The following TRAPPC8 variants were observed in gnomAD, a reference collection of about 807,000 sequenced individuals.
TRAPPC8 encodes trafficking protein particle complex subunit 8.
In TRAPPC8, 54 loss-of-function variants were observed where a neutral mutation model predicts 174.3. The observed-to-expected ratio is 0.31, with a 90% CI of 0.25 to 0.39. The LOEUF is 0.39. Ranked by LOEUF, TRAPPC8 falls within the 10% of genes least tolerant of loss-of-function variation. The pLI is 1.00. For synonymous variants in TRAPPC8, 630 were observed against 579.9 expected, an observed-to-expected ratio of 1.09 and a Z score of -1.24; for missense variants, 1,531 against 1,699.1, an observed-to-expected ratio of 0.90 and a Z score of 1.74.
intron 1 of TRAPPC8, 153 bp downstream of exon 1, chr18:31,942,455 C>A (rs1300446388): frequency 2.0e-6 from 2 of 1,022,786 alleles, no homozygotes; most frequent in Non-Finnish European, 2.7e-6. Context: ...CTCCTCCAGC[C>A]GCCCCCGGAG....
rs141630250 is a variant in TRAPPC8 at position 31,901,986 on chromosome 18, C to T, written c.1390-961G>A. Among the ~76,000 whole-genome samples the T allele has an allele frequency of 7.6e-3, 1,160 of 152,296 alleles. 18 individuals carry two copies. Among genetic ancestry groups the T allele is most frequent in the African/African-American group, 0.026 (1,097 of 41,558 alleles). On this transcript the variant is annotated intron_variant, in intron 9 of 28. Coordinates refer to ENST00000283351, the MANE Select transcript of TRAPPC8 (RefSeq NM_014939.5). The stretch of plus-strand genomic sequence containing the variant: ...TCATGTTTCCCCTTCCTCTTTGTCA[C>T]TGTAGTATTTGACAGTTATCTTTTC...
intron 26 of TRAPPC8, among the ~76,000 whole-genome samples, chr18:31,841,427 G>GGAAACCAGAGAAA (rs2033092973): frequency 6.6e-6 from 1 of 151,910 alleles, no homozygotes; most frequent in African/African-American, 2.4e-5. Context: ...GTGATTAAGG[G>GGAAACCAGAGAAA]GAAACCAGAG....
At chr18:31,920,937 C>T (rs1220023464) in intron 2 of TRAPPC8, among the ~76,000 whole-genome samples, 13 of 130,806 alleles carry the variant, frequency 9.9e-5, no homozygotes, top group Admixed American at 8.7e-4. Context: ...TAGAGCGACA[C>T]TCCGTCTCAA....
At chr18:31,923,748 T>TAA (rs3980939) in intron 2 of TRAPPC8, among the ~76,000 whole-genome samples, 19,506 of 141,298 alleles carry the variant, frequency 0.14, 1,641 homozygotes, top group South Asian at 0.3. Flanking sequence ...GGAAAGAAGC[T>TAA]AAAAAAAAAA....
At chr18:31,838,771 T>C (rs2032920771) in intron 27 of TRAPPC8, among the ~76,000 whole-genome samples, 1 of 152,188 alleles carries the variant, frequency 6.6e-6, no homozygotes, top group South Asian at 2.1e-4. Flanking sequence ...TGAGATAGTT[T>C]CTTTTTATTG....
chr18:31,841,867 TG>T (rs1341321974), intron 26 of TRAPPC8, among the ~76,000 whole-genome samples: 6 of 152,224 alleles, frequency 3.9e-5, no homozygotes, highest in Non-Finnish European at 8.8e-5. Flanking sequence ...TCTAGCTGAA[TG>T]TTTTTAAAAT....
intron 19 of TRAPPC8, 111 bp downstream of exon 19, chr18:31,864,516 A>T: frequency 1.0e-6 from 1 of 997,002 alleles, no homozygotes; most frequent in Non-Finnish European, 1.4e-6. Flanking sequence ...ATAATAATTT[A>T]AAAGTATAGT....
intron 26 of TRAPPC8, 46 bp from the exon 27 acceptor site, chr18:31,839,503 GT>G: frequency 6.5e-6 from 9 of 1,381,732 alleles, no homozygotes; most frequent in Non-Finnish European, 7.7e-6. Flanking sequence ...ACACTACCTT[GT>G]TTAAAAAAAA....
intron 12 of TRAPPC8, among the ~76,000 whole-genome samples, chr18:31,888,743 C>A (rs187005658): frequency 6.6e-6 from 1 of 152,248 alleles, no homozygotes; most frequent in Admixed American, 6.5e-5. Flanking sequence ...CAGTCCAACA[C>A]ACACTGGGGC....
chr18:31,888,160 C>T (rs770187773), intron 12 of TRAPPC8, among the ~76,000 whole-genome samples: 1 of 152,070 alleles, frequency 6.6e-6, no homozygotes, highest in Admixed American at 6.5e-5. Flanking sequence ...AAAAAGAATG[C>T]TCAACATCAC....
At chr18:31,837,383 T>G (rs1209937903) in intron 27 of TRAPPC8, among the ~76,000 whole-genome samples, 2 of 151,996 alleles carry the variant, frequency 1.3e-5, no homozygotes, top group Non-Finnish European at 2.9e-5. Context: ...CACAGCAGAA[T>G]TCAAAATAGT....
At chr18:31,864,813 A>G in intron 18 of TRAPPC8, 32 bp from the exon 19 acceptor site, 1 of 1,577,798 alleles carries the variant, frequency 6.3e-7, no homozygotes. Flanking sequence ...GCCCTAAAAT[A>G]ATTTGGTATG....
At position 31,830,969 on chromosome 18, in the gene TRAPPC8, T is replaced by C. The variant is rs981855174; in HGVS notation, c.4094A>G (p.His1365Arg). The change falls in exon 29 of 29, where the codon CAT becomes CGT. Residue 1365 changes from histidine to arginine, a missense_variant. Transcript: ENST00000283351. ...TTGTCCAAGCCATGTGAATGATCCATGGATTTCCAGTGCTTCTGGACTAAG... is the reference window on the plus strand; with the variant it reads ...TTGTCCAAGCCATGTGAATGATCCACGGATTTCCAGTGCTTCTGGACTAAG... Reference protein sequence around the residue: ...KTTSPEALEIHGSFTWLGQTQ... With the variant: ...KTTSPEALEIRGSFTWLGQTQ... 2.5e-6 allele frequency: 4 copies of C among 1,612,900 alleles called. No individual in the cohort carries two copies. Among genetic ancestry groups the C allele is most frequent in the Non-Finnish European group, 3.4e-6 (4 of 1,179,058 alleles).
At chr18:31,834,852 A>G (rs1179760806) in intron 27 of TRAPPC8, among the ~76,000 whole-genome samples, 1 of 151,798 alleles carries the variant, frequency 6.6e-6, no homozygotes, top group African/African-American at 2.4e-5. Context: ...ATTTCCTCAC[A>G]TTTCTACTTG....
At chr18:31,886,538 A>G (rs17741967) in intron 12 of TRAPPC8, among the ~76,000 whole-genome samples, 34,758 of 152,002 alleles carry the variant, frequency 0.23, 4,811 homozygotes, top group South Asian at 0.52. Context: ...GGTTTGAGTC[A>G]GCTTTTTATA....
chr18:31,856,178 C>A (rs2034000128), intron 20 of TRAPPC8, among the ~76,000 whole-genome samples: 1 of 151,842 alleles, frequency 6.6e-6, no homozygotes, highest in Non-Finnish European at 1.5e-5. Context: ...GATCTCAGCT[C>A]ACCACTGCAA....
chr18:31,882,837 G>A (rs904341778), intron 12 of TRAPPC8, among the ~76,000 whole-genome samples: 8 of 150,016 alleles, frequency 5.3e-5, no homozygotes, highest in East Asian at 2.0e-4. Context: ...GGCTGGTCTC[G>A]AACTCCTGAA....
chr18:31,942,667 C>T lies in TRAPPC8; in HGVS notation c.98G>A (p.Arg33His). 1 of 1,611,056 alleles carries T rather than the reference C, an allele frequency of 6.2e-7. No individual in the cohort carries two copies. The highest frequency in any genetic ancestry group is 1.1e-5 in the South Asian group (1 of 90,552). The change falls in exon 1 of 29, where the codon CGT becomes CAT. Residue 33 changes from arginine (R) to histidine (H), a missense_variant. Arg to His is a conservative substitution (Grantham distance 29, BLOSUM62 0). Coordinates refer to ENST00000283351, the MANE Select transcript of TRAPPC8 (RefSeq NM_014939.5). ...CTCCGCGAAGCTGAGGTGATTGAGA[C>T]GAGTGAGCCGCTCGGCTTCGTCGCT... is the stretch of plus-strand genomic sequence containing the variant. ...LCSDEAERLT[R>H]LNHLSFAELL...
intron 20 of TRAPPC8, among the ~76,000 whole-genome samples, chr18:31,856,158 G>A (rs1464118205): frequency 6.6e-6 from 1 of 151,682 alleles, no homozygotes; most frequent in African/African-American, 2.4e-5. Context: ...AGGTGGGAGT[G>A]CAGTGGGGTG....
Sources: gnomAD v4.1 joint callset for allele counts (sites outside exome capture counted in the v4.1 genomes callset) on GRCh38, gnomAD v4.1.1 for gene constraint, MANE v1.5 for transcripts, NCBI Gene and HGNC (gene_info 2026-07-23, HGNC 2026-07-21) for gene names.